Variants in DIS3L observed in about 807,000 individuals in gnomAD.
DIS3L encodes DIS3 like exosome 3'-5' exoribonuclease, also known as DIS3-like exonuclease 1.
In DIS3L, 100 loss-of-function variants were observed where a neutral mutation model predicts 120.3. The observed-to-expected ratio is 0.83, with a 90% confidence interval of 0.71 to 0.98. The LOEUF (loss-of-function observed/expected upper bound fraction) is 0.98, where lower values mean the gene tolerates loss of function less well. DIS3L is among the 50% of genes least tolerant of loss of function. DIS3L has a pLI of 0.00. For synonymous variants in DIS3L, 426 were observed against 470.6 expected (o/e 0.91, Z 1.23); for missense variants, 1,196 against 1,314.2 (o/e 0.91, Z 1.39).
At chr15:66,308,896 ATAAGGCTC>A in intron 4 of DIS3L, 52 bp downstream of exon 4, 1 of 1,562,578 alleles carries the variant, frequency 6.4e-7, no homozygotes, top group Non-Finnish European at 8.7e-7. Flanking sequence ...AGTAGTACCC[ATAAGGCTC>A]TAGATCCCTT....
chr15:66,293,449 C>T (rs1011332649), upstream of DIS3L: 1 of 1,210,382 alleles, frequency 8.3e-7, no homozygotes, highest in Non-Finnish European at 1.0e-6. Flanking sequence ...CGGGCCCCAG[C>T]CTGGAGCGTG....
chr15:66,297,528 A>G (rs1398521079), intron 2 of DIS3L, among the ~76,000 whole-genome samples: 1 of 152,244 alleles, frequency 6.6e-6, no homozygotes, highest in Non-Finnish European at 1.5e-5. Flanking sequence ...GCTAATTAGC[A>G]TATGCATTAC....
chr15:66,318,767 A>T (rs1487811928), intron 8 of DIS3L, 149 bp downstream of exon 8: 8 of 916,398 alleles, frequency 8.7e-6, no homozygotes, highest in Non-Finnish European at 1.3e-5. Flanking sequence ...AGATACTGGG[A>T]TGTGTTTTTT....
chr15:66,318,559 C>T lies in DIS3L; in HGVS notation c.1105C>T (p.Pro369Ser), dbSNP rs1374233241. Residue 369 changes from proline (P) to serine (S), a missense_variant, in exon 8 of 17, where the codon CCT becomes TCT. By Grantham distance (74) the Pro-to-Ser change is moderately conservative. Transcript: ENST00000319212. ...AAATGCTCAGAAAATCCTGGTTACA[C>T]CTTGGGATTACAGAATTCCCAAAAT... is the stretch of plus-strand genomic sequence containing the variant. The part of the protein sequence containing the change: ...GKNAQKILVT[P>S]WDYRIPKIRI... The T allele has an allele frequency of 1.9e-6, 3 of 1,613,944 alleles. No homozygotes were observed. Among genetic ancestry groups the T allele is most frequent in the African/African-American group, 2.7e-5 (2 of 74,878 alleles).
upstream of DIS3L, chr15:66,293,559 G>A (rs1051957787): frequency 3.4e-4 from 471 of 1,397,656 alleles, no homozygotes; most frequent in African/African-American, 4.9e-3. Flanking sequence ...TGCCTCCGCC[G>A]CGCCCGCCAC....
chr15:66,325,346 A>G (rs564729536), intron 11 of DIS3L, among the ~76,000 whole-genome samples: 1 of 152,286 alleles, frequency 6.6e-6, no homozygotes, highest in South Asian at 2.1e-4. Flanking sequence ...GTGAGCCGAG[A>G]TCGCACCACT....
At position 66,332,928 on chromosome 15, in the gene DIS3L, TTAAG is replaced by T. The variant is rs1434800332; in HGVS notation, c.2856+21_2856+24del. ...ATGTAACCGTAAGTCTGTGTTTCTA[TTAAG>T]TATTATTAATATTTTAAATGTAAGG... On this transcript the variant is annotated intron_variant, in intron 16 of 16. Coordinates refer to ENST00000319212, the MANE Select transcript of DIS3L (RefSeq NM_001143688.3). The T allele has an allele frequency of 6.3e-7, 1 of 1,586,002 alleles. No homozygotes were observed. Among genetic ancestry groups the T allele is most frequent in the South Asian group, 1.2e-5 (1 of 86,186 alleles).
chr15:66,293,615 A>T lies in DIS3L; in HGVS notation c.19A>T (p.Lys7Ter). 1 of 1,444,750 alleles carries T rather than the reference A, an allele frequency of 6.9e-7. No individual in the cohort carries two copies. Among genetic ancestry groups the T allele is most frequent in the Non-Finnish European group, 9.1e-7 (1 of 1,101,014 alleles). 89.5% of individuals were successfully genotyped at this position (1,444,750 alleles called of 1,614,324 possible). Reference sequence around the variant, plus strand: ...CGCCGCCATGCTGCAGAAGCGGGAGAAGGTGCTGCTGCTGAGGACCTTCCA... The same window carrying T: ...CGCCGCCATGCTGCAGAAGCGGGAGTAGGTGCTGCTGCTGAGGACCTTCCA... MLQKRE[K>*]VLLLRTFQGR... is the part of the protein sequence containing the mutation. The change falls in exon 1 of 17, where the codon AAG becomes TAG. Residue 7 changes from lysine to a stop codon, truncating the protein, a stop_gained. Coordinates refer to ENST00000319212, the MANE Select transcript of DIS3L (RefSeq NM_001143688.3). LOFTEE classifies it high-confidence loss of function.
At position 66,332,848 on chromosome 15, in the gene DIS3L, A is replaced by C. The variant is rs765331441; in HGVS notation, c.2794A>C (p.Lys932Gln). ...AGGATCCCTTCAACGATTTCAAAAC[A>C]AAATTACCTCTACTACAACAGATGG... ...KPGSLQRFQN[K>Q]ITSTTTDGES... The change falls in exon 16 of 17, where the codon AAA becomes CAA. Residue 932 changes from lysine (K) to glutamine (Q), a missense_variant. Transcript: ENST00000319212. The C allele has an allele frequency of 9.9e-6, 16 of 1,614,054 alleles. No homozygotes were observed. Among genetic ancestry groups the C allele is most frequent in the Non-Finnish European group, 1.4e-5 (16 of 1,179,990 alleles).
intron 2 of DIS3L, among the ~76,000 whole-genome samples, chr15:66,299,482 G>C (rs144608625): frequency 6.6e-6 from 1 of 150,656 alleles, no homozygotes; most frequent in East Asian, 2.0e-4. Context: ...GGAGGCGGAG[G>C]TTGCAGTGAG....
At chr15:66,319,396 C>CT (rs1472375597) in intron 8 of DIS3L, among the ~76,000 whole-genome samples, 1 of 152,190 alleles carries the variant, frequency 6.6e-6, no homozygotes, top group African/African-American at 2.4e-5. Context: ...TAGAAACTTT[C>CT]TATAGATACA....
intron 8 of DIS3L, 106 bp from the exon 9 acceptor site, chr15:66,320,465 C>A: frequency 7.8e-7 from 1 of 1,284,284 alleles, no homozygotes; most frequent in Non-Finnish European, 1.0e-6. Context: ...CACCTGGCCA[C>A]TCTCCTTGGA....
At chr15:66,294,102 G>C (rs775295075) in intron 1 of DIS3L, 3 of 985,690 alleles carry the variant, frequency 3.0e-6, no homozygotes, top group African/African-American at 1.7e-5. Flanking sequence ...GAGGTCCCGA[G>C]CTGGGAGCCC....
At chr15:66,293,506 C>T, upstream of DIS3L, 2 of 1,252,126 alleles carry the variant, frequency 1.6e-6, no homozygotes, top group Non-Finnish European at 2.0e-6. Flanking sequence ...GGTTCCGGAG[C>T]CGCGGCGCCT....
intron 11 of DIS3L, among the ~76,000 whole-genome samples, chr15:66,323,897 T>G (rs963418565): frequency 6.6e-6 from 1 of 152,246 alleles, no homozygotes; most frequent in African/African-American, 2.4e-5. Context: ...TTTGTGCTTA[T>G]GCATTCCCTG....
intron 14 of DIS3L, chr15:66,329,912 C>CA (rs5813391): frequency 0.056 from 33,697 of 606,362 alleles, 3 homozygotes; most frequent in Non-Finnish European, 0.061. Context: ...GACTGTGTCT[C>CA]AAAAAAAAAA....
chr15:66,306,767 GAT>G, intron 2 of DIS3L, 55 bp from the exon 3 acceptor site: 1 of 1,605,696 alleles, frequency 6.2e-7, no homozygotes, highest in Non-Finnish European at 8.5e-7. Flanking sequence ...CTTAGCAAGA[GAT>G]AGCAGTGGAT....
chr15:66,315,354 A>G, intron 7 of DIS3L, 139 bp downstream of exon 7: 1 of 842,576 alleles, frequency 1.2e-6, no homozygotes, highest in South Asian at 2.6e-5. Flanking sequence ...TTTATTGTGT[A>G]TAATATGATG....
chr15:66,318,294 C>G (rs1343938424), intron 7 of DIS3L, among the ~76,000 whole-genome samples, 155 bp from the exon 8 acceptor site: 1 of 151,888 alleles, frequency 6.6e-6, no homozygotes, highest in African/African-American at 2.4e-5. Flanking sequence ...TTAATAAAAG[C>G]TTCCTTTCAA....
Sources: gnomAD v4.1 joint callset for allele counts (sites outside exome capture counted in the v4.1 genomes callset) on GRCh38, gnomAD v4.1.1 for gene constraint, MANE v1.5 for transcripts, NCBI Gene and HGNC (gene_info 2026-07-23, HGNC 2026-07-21) for gene names.